Variants in LRBA observed in about 807,000 individuals in gnomAD.
LRBA encodes lipopolysaccharide-responsive and beige-like anchor protein.
Under a neutral mutation model 330.0 loss-of-function variants are expected in LRBA, and 176 were observed. The ratio of observed to expected loss-of-function variants is 0.53; its 90% CI spans 0.47 to 0.60. LRBA has a LOEUF of 0.60. Among genes scored for constraint, LRBA ranks in the 20% least tolerant of loss-of-function variants. LRBA has a pLI of 0.00. For missense variants in LRBA, 3,259 were observed against 3,444.8 expected, an observed-to-expected ratio of 0.95 and a Z score of 1.35; for synonymous variants, 1,230 against 1,193.0, an observed-to-expected ratio of 1.03 and a Z score of -0.64.
At chr4:150,287,659 C>T (rs144464321) in intron 53 of LRBA, among the ~76,000 whole-genome samples, 1,600 of 152,328 alleles carry the variant, frequency 0.011, 24 homozygotes, top group African/African-American at 0.037. Context: ...GAATGCCACA[C>T]GGAACTTTGC....
chr4:150,584,022 C>T lies in LRBA; in HGVS notation c.6330+4026G>A, dbSNP rs1368905106. 6 of 1,613,598 alleles carry T rather than the reference C, an allele frequency of 3.7e-6. No individual in the cohort carries two copies. In the African/African-American group the frequency reaches 6.7e-5, roughly 18 times the overall value. On this transcript the variant is annotated intron_variant, in intron 40 of 56. Coordinates refer to ENST00000651943, the MANE Select transcript of LRBA (RefSeq NM_001364905.1). Reference sequence around the variant, plus strand: ...ACCTCGACCTCTTTCAGGGCAAGCCCCATTCGGCCCTGGAGAGCGCTGCCA... The same window carrying T: ...ACCTCGACCTCTTTCAGGGCAAGCCTCATTCGGCCCTGGAGAGCGCTGCCA...
At position 150,706,658 on chromosome 4, in the gene LRBA, C is replaced by T. The variant is rs558552113; in HGVS notation, c.5755-22941G>A. Among the ~76,000 whole-genome samples the T allele has an allele frequency of 1.9e-4, 28 of 150,242 alleles. No homozygotes were observed. The South Asian group carries it at 4.0e-3, about 21-fold the overall frequency. Reference sequence around the variant, plus strand: ...AAAAATACCATCATAACTAAACAAACAAACAAATTGGTAAAAAGAAAGAAA... The same window carrying T: ...AAAAATACCATCATAACTAAACAAATAAACAAATTGGTAAAAAGAAAGAAA... On this transcript the variant is annotated intron_variant, in intron 36 of 56. Coordinates refer to ENST00000651943, the MANE Select transcript of LRBA (RefSeq NM_001364905.1).
At chr4:150,705,120 T>G (rs1254125114) in intron 36 of LRBA, among the ~76,000 whole-genome samples, 1 of 152,170 alleles carries the variant, frequency 6.6e-6, no homozygotes, top group Non-Finnish European at 1.5e-5. Flanking sequence ...TCAAGTTATT[T>G]GCCCAAATCC....
chr4:150,546,789 C>T (rs1448308114), intron 40 of LRBA, among the ~76,000 whole-genome samples: 1 of 152,116 alleles, frequency 6.6e-6, no homozygotes, highest in African/African-American at 2.4e-5. Flanking sequence ...TTAACTACCC[C>T]AAAGGTGATA....
chr4:150,502,934 C>A (rs1319029041), intron 40 of LRBA, among the ~76,000 whole-genome samples: 2 of 152,232 alleles, frequency 1.3e-5, no homozygotes, highest in Non-Finnish European at 2.9e-5. Flanking sequence ...GGGTCCTACA[C>A]CCACGGAGTC....
At chr4:150,541,273 G>T (rs1295515812) in intron 40 of LRBA, among the ~76,000 whole-genome samples, 1 of 152,114 alleles carries the variant, frequency 6.6e-6, no homozygotes, top group Non-Finnish European at 1.5e-5. Flanking sequence ...CTATAAAAAG[G>T]TTTCCCAGAA....
At chr4:150,961,148 C>T (rs546788058) in intron 2 of LRBA, among the ~76,000 whole-genome samples, 1 of 149,294 alleles carries the variant, frequency 6.7e-6, no homozygotes, top group East Asian at 1.9e-4. Flanking sequence ...TGAGATTCAG[C>T]TGTGGGTGGC....
intron 42 of LRBA, among the ~76,000 whole-genome samples, chr4:150,478,385 G>A (rs867071016): frequency 3.9e-5 from 6 of 152,146 alleles, no homozygotes; most frequent in South Asian, 2.1e-4. Context: ...AATACTGTTC[G>A]TCCATTATTC....
chr4:150,322,363 T>C (rs923510537), intron 49 of LRBA, among the ~76,000 whole-genome samples: 1 of 152,206 alleles, frequency 6.6e-6, no homozygotes, highest in Admixed American at 6.5e-5. Context: ...GGTGGTGTGC[T>C]ATCATACAGT....
chr4:150,582,880 C>T, intron 40 of LRBA: 1 of 864,004 alleles, frequency 1.2e-6, no homozygotes, highest in Non-Finnish European at 1.7e-6. Context: ...ATCAGCCGGT[C>T]AGCCCAGGTG....
At chr4:150,676,846 C>A (rs1313177165) in intron 37 of LRBA, among the ~76,000 whole-genome samples, 1 of 152,140 alleles carries the variant, frequency 6.6e-6, no homozygotes, top group Non-Finnish European at 1.5e-5. Flanking sequence ...TCAAAATTTT[C>A]TCATCTACTC....
chr4:150,314,876 A>G (rs1384554061), intron 51 of LRBA: 1 of 152,148 alleles, frequency 6.6e-6, no homozygotes, highest in Non-Finnish European at 1.5e-5. Flanking sequence ...TTTCATCCCA[A>G]TGGCTCTTTC....
chr4:150,993,024 A>G (rs1011281165), intron 2 of LRBA, among the ~76,000 whole-genome samples: 2 of 152,148 alleles, frequency 1.3e-5, no homozygotes, highest in East Asian at 3.8e-4. Context: ...GCTCACACCT[A>G]TAATCCACGC....
chr4:150,705,451 G>T (rs1017151334), intron 36 of LRBA, among the ~76,000 whole-genome samples: 3 of 151,668 alleles, frequency 2.0e-5, no homozygotes, highest in Non-Finnish European at 4.4e-5. Context: ...CCTGTCTCTG[G>T]GCATGAAAAA....
At chr4:150,408,417 A>G (rs1415437237) in intron 47 of LRBA, among the ~76,000 whole-genome samples, 1 of 152,196 alleles carries the variant, frequency 6.6e-6, no homozygotes, top group Non-Finnish European at 1.5e-5. Context: ...CACAAAGAAA[A>G]GGCCATGCCT....
At position 150,683,592 on chromosome 4, in the gene LRBA, A is replaced by C; in HGVS notation, c.5880T>G (p.Ile1960Met). ...ATQLIQKIINILTDKHGAWGN... is the reference protein window; with the variant it reads ...ATQLIQKIINMLTDKHGAWGN... ...CCCAGGCTCCATGCTTGTCTGTGAG[A>C]ATGTTGATAATTTTCTGGATTAGTT... The change falls in exon 37 of 57, where the codon ATT (isoleucine) becomes ATG (methionine). Residue 1960 changes from isoleucine to methionine, a missense_variant. Ile to Met is a conservative substitution (Grantham distance 10, BLOSUM62 1). Coordinates refer to ENST00000651943, the MANE Select transcript of LRBA (RefSeq NM_001364905.1). 1 of 1,613,912 alleles carries C rather than the reference A, an allele frequency of 6.2e-7. No individual in the cohort carries two copies. The highest frequency in any genetic ancestry group is 8.5e-7 in the Non-Finnish European group (1 of 1,179,892).
intron 29 of LRBA, among the ~76,000 whole-genome samples, chr4:150,830,593 G>A (rs887408722): frequency 4.6e-5 from 7 of 151,860 alleles, no homozygotes; most frequent in South Asian, 2.1e-4. Context: ...CATGCCCACC[G>A]TGCCCTATCC....
At chr4:150,464,135 T>A (rs543818314) in intron 44 of LRBA, among the ~76,000 whole-genome samples, 3 of 152,104 alleles carry the variant, frequency 2.0e-5, no homozygotes, top group Non-Finnish European at 4.4e-5. Context: ...AAGAGATTTC[T>A]AAAAACTCAT....
At chr4:150,869,500 C>T (rs950764452) in intron 20 of LRBA, among the ~76,000 whole-genome samples, 7 of 151,752 alleles carry the variant, frequency 4.6e-5, no homozygotes, top group Non-Finnish European at 8.8e-5. Context: ...ACCACCCTGG[C>T]CAACATGGCG....
Sources: allele counts gnomAD v4.1 joint callset (sites outside exome capture counted in the v4.1 genomes callset), GRCh38; gene constraint gnomAD v4.1.1; transcripts MANE v1.5; gene names NCBI Gene and HGNC (gene_info 2026-07-23, HGNC 2026-07-21).